Variants in PAG1 observed in about 807,000 individuals in gnomAD.
PAG1 encodes phosphoprotein associated with glycosphingolipid-enriched microdomains 1.
In PAG1, 23 loss-of-function variants were observed where a neutral mutation model predicts 31.7. The ratio of observed to expected loss-of-function variants is 0.73; its 90% CI spans 0.52 to 1.03. The LOEUF (loss-of-function observed/expected upper bound fraction) is 1.03. Ranked by LOEUF, PAG1 falls within the 50% of genes least tolerant of loss-of-function variation. The pLI, the probability that PAG1 is intolerant of heterozygous loss-of-function variation, is 0.00. For missense variants in PAG1, 473 were observed against 540.7 expected, an observed-to-expected ratio of 0.87 and a Z score of 1.24; for synonymous variants, 214 against 210.3, an observed-to-expected ratio of 1.02 and a Z score of -0.15.
chr8:80,969,643 T>C lies in PAG1; in HGVS notation c.*6901A>G, dbSNP rs942558007. 1.3e-5 allele frequency: 2 copies of C among 152,206 alleles called. No homozygotes were observed. The highest frequency in any genetic ancestry group is 1.3e-4 in the Admixed American group (2 of 15,288). The allele number at this position is 152,206 out of a possible 1,614,324, so 9.4% of individuals were successfully genotyped here. A position where few individuals can be genotyped will look rare whatever the true frequency, so the allele number is the denominator to read the frequency against. Reference sequence around the variant, plus strand: ...TGTCCTATTTAGAGTGCCTAACAGGTATACTAGGGGAACTTTAAAAAACTA... The same window carrying C: ...TGTCCTATTTAGAGTGCCTAACAGGCATACTAGGGGAACTTTAAAAAACTA... On this transcript the variant is annotated 3_prime_UTR_variant, in exon 9 of 9. Transcript: ENST00000220597.
intron 1 of PAG1, among the ~76,000 whole-genome samples, chr8:81,090,418 A>G (rs1482382636): frequency 6.6e-6 from 1 of 152,228 alleles, no homozygotes; most frequent in Non-Finnish European, 1.5e-5. Context: ...AACTTGCCCA[A>G]CACCACAAAT....
intron 8 of PAG1, among the ~76,000 whole-genome samples, chr8:80,978,882 T>A (rs1807239300): frequency 6.6e-6 from 1 of 152,244 alleles, no homozygotes; most frequent in African/African-American, 2.4e-5. Flanking sequence ...AAAACTTTCA[T>A]CATTATTCCT....
intron 1 of PAG1, among the ~76,000 whole-genome samples, chr8:81,091,373 T>A (rs530047508): frequency 6.6e-6 from 1 of 152,292 alleles, no homozygotes; most frequent in East Asian, 1.9e-4. Flanking sequence ...TATGATCTAG[T>A]AGAGAATCAT....
At chr8:81,105,387 C>T (rs574840485) in intron 1 of PAG1, among the ~76,000 whole-genome samples, 1 of 152,228 alleles carries the variant, frequency 6.6e-6, no homozygotes, top group East Asian at 1.9e-4. Flanking sequence ...CCTTCAGTCA[C>T]TAAATTTGAC....
Position 80,971,144 on chromosome 8 carries a change from T to TTTTGCGCC in PAG1, c.*5399_*5400insGGCGCAAA. ...GGTCTTAAAACTAAGGTTTAAAAATTCCCAGTACTGAAAACAACTTTCTCA... is the reference window on the plus strand; with the variant it reads ...GGTCTTAAAACTAAGGTTTAAAAATTTTTGCGCCCCCAGTACTGAAAACAACTTTCTCA... On this transcript the variant is annotated 3_prime_UTR_variant, in exon 9 of 9. Coordinates refer to ENST00000220597, the MANE Select transcript of PAG1 (RefSeq NM_018440.4). 1 of 152,302 alleles carries TTTTGCGCC rather than the reference T, an allele frequency of 6.6e-6. No individual in the cohort carries two copies. Among genetic ancestry groups the TTTTGCGCC allele is most frequent in the East Asian group, 1.9e-4 (1 of 5,180 alleles). The allele number at this position is 152,302 out of a possible 1,614,324, so 9.4% of individuals were successfully genotyped here.
chr8:81,051,301 C>T (rs6987322), intron 2 of PAG1, among the ~76,000 whole-genome samples: 43,646 of 152,100 alleles, frequency 0.29, 8,383 homozygotes, highest in African/African-American at 0.55. Context: ...CAGGCAGGTG[C>T]CCTTTAAAAA....
intron 7 of PAG1, among the ~76,000 whole-genome samples, chr8:80,981,029 G>A (rs1218933650): frequency 6.6e-6 from 1 of 151,942 alleles, no homozygotes; most frequent in Admixed American, 6.6e-5. Flanking sequence ...TTAATTTTTG[G>A]TGACCTCAAC....
At chr8:80,998,947 G>A (rs536981540) in intron 3 of PAG1, among the ~76,000 whole-genome samples, 12 of 152,204 alleles carry the variant, frequency 7.9e-5, no homozygotes, top group South Asian at 2.1e-4. Flanking sequence ...ATTACCAGGC[G>A]TGGGAACCAT....
At chr8:81,093,261 G>A (rs1383410079) in intron 1 of PAG1, among the ~76,000 whole-genome samples, 1 of 152,064 alleles carries the variant, frequency 6.6e-6, no homozygotes, top group Non-Finnish European at 1.5e-5. Context: ...CTAGAATTGG[G>A]GAGATAATCT....
intron 2 of PAG1, among the ~76,000 whole-genome samples, chr8:81,062,654 T>C (rs940787101): frequency 3.3e-5 from 5 of 152,146 alleles, no homozygotes; most frequent in Admixed American, 1.3e-4. Flanking sequence ...AAAGCCACCA[T>C]AGACAGGGTT....
intron 2 of PAG1, chr8:81,037,314 G>A (rs1480406677): frequency 1.3e-5 from 2 of 152,146 alleles, no homozygotes; most frequent in East Asian, 3.9e-4. Flanking sequence ...TTTTTAAAAT[G>A]ACATTTTACT....
intron 3 of PAG1, among the ~76,000 whole-genome samples, chr8:81,009,263 G>T (rs1052484855): frequency 6.6e-6 from 1 of 152,040 alleles, no homozygotes; most frequent in Admixed American, 6.6e-5. Flanking sequence ...AATATTTTTA[G>T]AAGCAGATAT....
chr8:81,033,534 TACTG>T (rs1308876391), intron 2 of PAG1, among the ~76,000 whole-genome samples: 5 of 152,234 alleles, frequency 3.3e-5, no homozygotes, highest in Non-Finnish European at 7.3e-5. Context: ...GGACTTCTGA[TACTG>T]ACGATTTAGT....
rs140660716 is a variant in PAG1, at chr8:81,002,463, A to G, written c.-80-9156T>C. ...AAGATGCTTGATCTGGGAAAAGTAA[A>G]CCCTCAAGACTGGAGAAGTAGAATT... On this transcript the variant is annotated intron_variant, in intron 3 of 8. Coordinates refer to ENST00000220597, the MANE Select transcript of PAG1 (RefSeq NM_018440.4). Among the ~76,000 whole-genome samples the G allele has an allele frequency of 2.6e-4, 40 of 152,304 alleles. No individual in the cohort carries two copies. In the East Asian group the frequency reaches 7.1e-3, roughly 27 times the overall value.
intron 1 of PAG1, among the ~76,000 whole-genome samples, chr8:81,097,693 G>C (rs1809549694): frequency 7.1e-6 from 1 of 141,682 alleles, no homozygotes; most frequent in Non-Finnish European, 1.5e-5. Flanking sequence ...TGGCACAGTT[G>C]AATCAATTAA....
chr8:81,108,086 A>G (rs895010024), intron 1 of PAG1, among the ~76,000 whole-genome samples: 1 of 152,268 alleles, frequency 6.6e-6, no homozygotes, highest in South Asian at 2.1e-4. Context: ...CACTAAATAG[A>G]TAACAGATAA....
intron 1 of PAG1, among the ~76,000 whole-genome samples, chr8:81,076,068 T>C (rs1395746995): frequency 2.6e-5 from 4 of 152,250 alleles, no homozygotes; most frequent in East Asian, 1.9e-4. Context: ...TACAGGTACC[T>C]GAACACAATC....
chr8:81,002,053 T>C (rs1287741953), intron 3 of PAG1, among the ~76,000 whole-genome samples: 1 of 152,214 alleles, frequency 6.6e-6, no homozygotes, highest in Non-Finnish European at 1.5e-5. Flanking sequence ...TTCCAAGGTA[T>C]CTGGAGGGCT....
At chr8:81,064,504 T>C (rs545004591) in intron 2 of PAG1, among the ~76,000 whole-genome samples, 22 of 152,260 alleles carry the variant, frequency 1.4e-4, no homozygotes, top group Admixed American at 3.9e-4. Context: ...AAAAACATAC[T>C]ATTAAAGAAT....
Sources: allele counts gnomAD v4.1 joint callset (sites outside exome capture counted in the v4.1 genomes callset), GRCh38; gene constraint gnomAD v4.1.1; transcripts MANE v1.5; gene names NCBI Gene and HGNC (gene_info 2026-07-23, HGNC 2026-07-21).